Variants in KCNK13 observed in about 807,000 individuals in gnomAD.
The protein encoded by KCNK13 is potassium channel subfamily K member 13.
Under a neutral mutation model 23.4 loss-of-function variants are expected in KCNK13, and 12 were observed. The ratio of observed to expected loss-of-function variants is 0.51; its 90% CI spans 0.33 to 0.83. The LOEUF (loss-of-function observed/expected upper bound fraction) is 0.83. Among genes scored for constraint, KCNK13 ranks in the 40% least tolerant of loss-of-function variants. The pLI is 0.02. For synonymous variants in KCNK13, 231 were observed against 229.5 expected (o/e 1.01, Z -0.06); for missense variants, 463 against 556.3 (o/e 0.83, Z 1.69).
intron 1 of KCNK13, among the ~76,000 whole-genome samples, chr14:90,092,211 C>T (rs536618017): frequency 6.6e-6 from 1 of 152,270 alleles, no homozygotes; most frequent in South Asian, 2.1e-4. Flanking sequence ...CGTGAGCCAC[C>T]GCACCCAGCC....
chr14:90,103,763 A>G (rs757923673), intron 1 of KCNK13, among the ~76,000 whole-genome samples: 6 of 152,040 alleles, frequency 3.9e-5, no homozygotes, highest in Admixed American at 2.6e-4. Context: ...GGGTTTCACC[A>G]TGTTAACCAG....
chr14:90,081,441 T>G (rs1167179438), intron 1 of KCNK13, among the ~76,000 whole-genome samples: 8 of 152,222 alleles, frequency 5.3e-5, no homozygotes, highest in African/African-American at 1.9e-4. Flanking sequence ...CTTTCCAGAA[T>G]TGTTTTCTCA....
At chr14:90,158,403 T>C (rs1000741193) in intron 1 of KCNK13, among the ~76,000 whole-genome samples, 1 of 152,208 alleles carries the variant, frequency 6.6e-6, no homozygotes, top group Non-Finnish European at 1.5e-5. Flanking sequence ...GAAAAAAATA[T>C]GGGCTAAGTC....
chr14:90,086,395 T>C (rs971110318), intron 1 of KCNK13, among the ~76,000 whole-genome samples: 5 of 152,282 alleles, frequency 3.3e-5, no homozygotes, highest in Admixed American at 6.5e-5. Flanking sequence ...GCCACACAGC[T>C]AGTAGGTGGT....
intron 1 of KCNK13, among the ~76,000 whole-genome samples, chr14:90,166,065 T>C (rs1213133348): frequency 6.6e-6 from 1 of 152,250 alleles, no homozygotes; most frequent in Non-Finnish European, 1.5e-5. Context: ...TTAGAATAGC[T>C]GTAATTTATT....
chr14:90,096,942 T>C (rs545346735), intron 1 of KCNK13, among the ~76,000 whole-genome samples: 35 of 152,280 alleles, frequency 2.3e-4, no homozygotes, highest in Non-Finnish European at 4.4e-4. Context: ...GAGAATCTGA[T>C]TGGCCAAATA....
rs1004639811 is a variant in KCNK13 at position 90,148,219 on chromosome 14, T to C, written c.335-35892T>C. Reference sequence around the variant, plus strand: ...GTTTACAGGGGTCCCTTTTGGAGCTTTTATTCTCTTTTATAATGTGCCTGC... The same window carrying C: ...GTTTACAGGGGTCCCTTTTGGAGCTCTTATTCTCTTTTATAATGTGCCTGC... On this transcript the variant is annotated intron_variant, in intron 1 of 1. Coordinates refer to ENST00000282146, the MANE Select transcript of KCNK13 (RefSeq NM_022054.4). Among the ~76,000 whole-genome samples, 8 of 152,178 alleles carry C rather than the reference T, an allele frequency of 5.3e-5. No homozygotes were observed. The South Asian group carries it at 1.2e-3, about 24-fold the overall frequency.
intron 1 of KCNK13, among the ~76,000 whole-genome samples, chr14:90,123,589 G>A (rs1889763633): frequency 6.6e-6 from 1 of 152,174 alleles, no homozygotes; most frequent in Admixed American, 6.5e-5. Flanking sequence ...GCAATAGAAT[G>A]AGAAAAGTTG....
chr14:90,164,323 G>A (rs1400016703), intron 1 of KCNK13, among the ~76,000 whole-genome samples: 1 of 152,154 alleles, frequency 6.6e-6, no homozygotes, highest in Non-Finnish European at 1.5e-5. Flanking sequence ...CATTTTTAAG[G>A]AAAGGCCCCA....
intron 1 of KCNK13, among the ~76,000 whole-genome samples, chr14:90,127,134 A>C (rs887026492): frequency 2.6e-5 from 4 of 152,200 alleles, no homozygotes; most frequent in African/African-American, 9.7e-5. Context: ...TATTCATGGA[A>C]GATGTTAATA....
chr14:90,077,020 C>CT (rs1889144585), intron 1 of KCNK13, among the ~76,000 whole-genome samples: 1 of 150,936 alleles, frequency 6.6e-6, no homozygotes, highest in African/African-American at 2.4e-5. Flanking sequence ...GGGGTTTCAC[C>CT]ATGTTAGCCA....
At chr14:90,094,717 G>A (rs1035538809) in intron 1 of KCNK13, among the ~76,000 whole-genome samples, 2 of 140,994 alleles carry the variant, frequency 1.4e-5, no homozygotes, top group Non-Finnish European at 3.0e-5. Context: ...GCGCGATCTC[G>A]GCTCACTGCA....
chr14:90,161,609 A>C (rs1890253785), intron 1 of KCNK13, among the ~76,000 whole-genome samples: 1 of 152,202 alleles, frequency 6.6e-6, no homozygotes, highest in African/African-American at 2.4e-5. Context: ...CATTCTACTA[A>C]AGCTCATTTT....
At chr14:90,084,662 A>T (rs992213622) in intron 1 of KCNK13, among the ~76,000 whole-genome samples, 2 of 152,182 alleles carry the variant, frequency 1.3e-5, no homozygotes, top group Non-Finnish European at 2.9e-5. Flanking sequence ...TCCCACTGCA[A>T]TGTCGAATAG....
intron 1 of KCNK13, chr14:90,108,014 G>A (rs1889567625): frequency 1.9e-5 from 13 of 677,548 alleles, no homozygotes; most frequent in Non-Finnish European, 2.8e-5. Flanking sequence ...CAGGCCACAC[G>A]CTGACTTTCC....
chr14:90,102,111 G>A (rs771761665), intron 1 of KCNK13, among the ~76,000 whole-genome samples: 3 of 152,066 alleles, frequency 2.0e-5, no homozygotes, highest in Non-Finnish European at 2.9e-5. Context: ...TCGAGCTCCC[G>A]ACCTCAGGTG....
At chr14:90,167,755 T>G (rs948563353) in intron 1 of KCNK13, among the ~76,000 whole-genome samples, 1 of 152,148 alleles carries the variant, frequency 6.6e-6, no homozygotes, top group African/African-American at 2.4e-5. Flanking sequence ...TGCATCTCCC[T>G]CTTCCTCTGC....
chr14:90,103,104 A>G (rs1241435016), intron 1 of KCNK13, among the ~76,000 whole-genome samples: 1 of 152,200 alleles, frequency 6.6e-6, no homozygotes, highest in African/African-American at 2.4e-5. Context: ...TGCAAAGGAC[A>G]TAATTTTGTC....
In KCNK13 at chr14:90,133,443, C is replaced by T. The variant is rs1889898342; in HGVS notation, c.335-50668C>T. Among the ~76,000 whole-genome samples the T allele has an allele frequency of 2.0e-5, 3 of 151,964 alleles. No individual in the cohort carries two copies. The South Asian group carries it at 6.3e-4, about 32-fold the overall frequency. On this transcript the variant is annotated intron_variant, in intron 1 of 1. Transcript: ENST00000282146. ...AGGTTTCTTTTAGGGGTGATGCAAA[C>T]GTTCACGGTGGAGACTGTAGAGATG...
Sources: allele counts gnomAD v4.1 joint callset (sites outside exome capture counted in the v4.1 genomes callset), GRCh38; gene constraint gnomAD v4.1.1; transcripts MANE v1.5; gene names NCBI Gene and HGNC (gene_info 2026-07-23, HGNC 2026-07-21).